The following PARP4 variants were observed in gnomAD, a reference collection of about 807,000 sequenced individuals.
PARP4 encodes protein mono-ADP-ribosyltransferase PARP4.
In PARP4, 120 loss-of-function variants were observed where a neutral mutation model predicts 187.7. That is an observed-to-expected ratio of 0.64 (90% CI 0.55 to 0.74). The LOEUF (loss-of-function observed/expected upper bound fraction) is 0.74. Among genes scored for constraint, PARP4 ranks in the 30% least tolerant of loss-of-function variants. PARP4 has a pLI of 0.00. For synonymous variants in PARP4, 654 were observed against 740.9 expected, an observed-to-expected ratio of 0.88 and a Z score of 1.90; for missense variants, 1,836 against 2,070.5, an observed-to-expected ratio of 0.89 and a Z score of 2.20.
chr13:24,444,409 C>T (rs1464894332), intron 27 of PARP4, among the ~76,000 whole-genome samples: 9 of 152,284 alleles, frequency 5.9e-5, no homozygotes, highest in Admixed American at 5.9e-4. Context: ...CAATATTGAG[C>T]TTAAGTTCTA....
chr13:24,431,275 T>C (rs1232232251), intron 32 of PARP4, 102 bp downstream of exon 32: 1 of 654,608 alleles, frequency 1.5e-6, no homozygotes, highest in Admixed American at 3.0e-5. Context: ...TTCATAATTA[T>C]TACATTAATA....
rs1346768345 is a variant in PARP4 at position 24,447,193 on chromosome 13, A to G, written c.3115-7T>C. 6.3e-7 allele frequency: 1 copy of G among 1,579,524 alleles called. No homozygotes were observed. Among genetic ancestry groups the G allele is most frequent in the Non-Finnish European group, 8.6e-7 (1 of 1,167,082 alleles). ...TGGTCATTTGGTCTTCTATCTATTTATAAAAGAGGAATTATTTCTCTTTCA... is the reference window on the plus strand; with the variant it reads ...TGGTCATTTGGTCTTCTATCTATTTGTAAAAGAGGAATTATTTCTCTTTCA... On this transcript the variant is annotated splice_polypyrimidine_tract_variant and splice_region_variant and intron_variant, in intron 25 of 33. Transcript: ENST00000381989.
intron 15 of PARP4, among the ~76,000 whole-genome samples, chr13:24,471,730 C>G (rs939390590): frequency 6.6e-6 from 1 of 152,108 alleles, no homozygotes; most frequent in Non-Finnish European, 1.5e-5. Context: ...CAGGCCTCTT[C>G]GGGTTTGAAA....
intron 12 of PARP4, among the ~76,000 whole-genome samples, chr13:24,483,001 CA>C (rs1182964227): frequency 6.6e-6 from 1 of 151,984 alleles, no homozygotes; most frequent in Non-Finnish European, 1.5e-5. Context: ...TCTGTTACTA[CA>C]GTGCTCTTTT....
chr13:24,506,911 G>A (rs1566024424), intron 1 of PARP4, among the ~76,000 whole-genome samples: 1 of 152,226 alleles, frequency 6.6e-6, no homozygotes, highest in Non-Finnish European at 1.5e-5. Context: ...TGAGGCGGGA[G>A]AGCTCAGACA....
chr13:24,458,920 G>A (rs1251793983), intron 20 of PARP4, 124 bp downstream of exon 20: 2 of 707,882 alleles, frequency 2.8e-6, no homozygotes, highest in African/African-American at 3.6e-5. Context: ...AGGGGCAGGA[G>A]TAGTGCTTCT....
intron 17 of PARP4, among the ~76,000 whole-genome samples, chr13:24,467,634 C>G (rs1427684698): frequency 2.0e-5 from 3 of 152,078 alleles, no homozygotes; most frequent in Admixed American, 2.0e-4. Context: ...GCATGAATAC[C>G]ATATATTATG....
chr13:24,469,521 T>G (rs1872641532), intron 16 of PARP4, among the ~76,000 whole-genome samples: 1 of 152,218 alleles, frequency 6.6e-6, no homozygotes, highest in Non-Finnish European at 1.5e-5. Flanking sequence ...ATAGCTTTCA[T>G]TTCAGCTCGA....
In PARP4 at chr13:24,455,079, G is replaced by T. The variant is rs780641924; in HGVS notation, c.2696C>A (p.Ala899Asp). ...ACCCACCAAGGACAGCGCATGCAAG[G>T]CGATTTGCTTGGCTTGCAAGAATGT... Reference protein sequence around the residue: ...GVTFLQAKQIALHALSLVGEK... With the variant: ...GVTFLQAKQIDLHALSLVGEK... Residue 899 changes from alanine to aspartate, a missense_variant, in exon 22 of 34, where the codon GCC becomes GAC. Ala to Asp is a moderately radical substitution (Grantham distance 126, BLOSUM62 -2). Around this residue, in one of 8 missense-constraint regions of PARP4, gnomAD observed 1,147 missense variants for 1,214.2 expected, o/e 0.94. Coordinates refer to ENST00000381989, the MANE Select transcript of PARP4 (RefSeq NM_006437.4). 1 of 1,613,200 alleles carries T rather than the reference G, an allele frequency of 6.2e-7. No homozygotes were observed.
intron 32 of PARP4, among the ~76,000 whole-genome samples, chr13:24,428,620 C>T (rs562278220): frequency 6.6e-6 from 1 of 152,204 alleles, no homozygotes; most frequent in Admixed American, 6.5e-5. Flanking sequence ...TAGCTGGGAC[C>T]ACAGGTACAC....
intron 31 of PARP4, among the ~76,000 whole-genome samples, chr13:24,431,832 G>A (rs927635793): frequency 6.6e-6 from 1 of 152,206 alleles, no homozygotes; most frequent in Non-Finnish European, 1.5e-5. Flanking sequence ...TAAATGCTAT[G>A]AACACTACAT....
intron 1 of PARP4, among the ~76,000 whole-genome samples, chr13:24,506,282 C>A (rs1869666208): frequency 6.6e-6 from 1 of 152,180 alleles, no homozygotes; most frequent in Admixed American, 6.5e-5. Flanking sequence ...GTGTCGCTGG[C>A]TTCAGGAGTG....
rs1383617423 is a variant in PARP4, at chr13:24,493,670, T to C, written c.805A>G (p.Met269Val). Residue 269 changes from methionine (M) to valine (V), a missense_variant, in exon 8 of 34, where the codon ATG (methionine) becomes GTG (valine). Met to Val is a conservative substitution (Grantham distance 21). This residue lies in a region of PARP4 where 1,147 missense variants were observed against 1,214.2 expected (regional missense o/e 0.94). Transcript: ENST00000381989. ...LSQEVSDLVE[M>V]IWAEALGHLE... ...TGGCCCAGGGCCTCTGCCCAAATCATCTCTACTAAATCGCTCACCTCTTGG... is the reference window on the plus strand; with the variant it reads ...TGGCCCAGGGCCTCTGCCCAAATCACCTCTACTAAATCGCTCACCTCTTGG... 1 of 1,614,036 alleles carries C rather than the reference T, an allele frequency of 6.2e-7. No individual in the cohort carries two copies. Among genetic ancestry groups the C allele is most frequent in the Non-Finnish European group, 8.5e-7 (1 of 1,179,954 alleles).
chr13:24,477,934 A>T, intron 13 of PARP4, 77 bp from the exon 14 acceptor site: 2 of 1,186,900 alleles, frequency 1.7e-6, no homozygotes, highest in Non-Finnish European at 2.4e-6. Flanking sequence ...TTTTCATAAA[A>T]GCATGTTTGC....
chr13:24,430,007 T>C (rs1364255467), intron 32 of PARP4, among the ~76,000 whole-genome samples: 2 of 152,252 alleles, frequency 1.3e-5, no homozygotes, highest in Non-Finnish European at 2.9e-5. Context: ...TGGCTTTCTT[T>C]CTTTCAAAGA....
intron 8 of PARP4, among the ~76,000 whole-genome samples, 165 bp downstream of exon 8, chr13:24,493,431 T>C (rs1868772437): frequency 6.6e-6 from 1 of 152,214 alleles, no homozygotes; most frequent in Non-Finnish European, 1.5e-5. Flanking sequence ...CTTTTCTCCT[T>C]AGTGCTGTTA....
At chr13:24,456,153 T>C (rs1378247099) in intron 21 of PARP4, among the ~76,000 whole-genome samples, 188 bp downstream of exon 21, 1 of 152,164 alleles carries the variant, frequency 6.6e-6, no homozygotes, top group Non-Finnish European at 1.5e-5. Context: ...CATAAGGGTT[T>C]TGGATGAAAC....
chr13:24,474,148 G>C (rs1872860731), intron 15 of PARP4, among the ~76,000 whole-genome samples: 2 of 152,094 alleles, frequency 1.3e-5, no homozygotes, highest in Admixed American at 1.3e-4. Flanking sequence ...TAGTTATTCA[G>C]GGCAAACACT....
At chr13:24,507,305 G>T (rs1248212339) in intron 1 of PARP4, among the ~76,000 whole-genome samples, 6 of 152,242 alleles carry the variant, frequency 3.9e-5, no homozygotes, top group Admixed American at 3.9e-4. Flanking sequence ...AGCGAGGGCT[G>T]CAAGGGCTGC....
Sources: gnomAD v4.1 joint callset for allele counts (sites outside exome capture counted in the v4.1 genomes callset) on GRCh38, gnomAD v4.1.1 for gene constraint, gnomAD v4.1.1 regional missense constraint, MANE v1.5 for transcripts, NCBI Gene and HGNC (gene_info 2026-07-23, HGNC 2026-07-21) for gene names.